The following PCDH15 variants were observed in gnomAD, a reference collection of about 807,000 sequenced individuals.
The protein encoded by PCDH15 is protocadherin related 15, also known as protocadherin-15.
Under a neutral mutation model 178.5 loss-of-function variants are expected in PCDH15, and 129 were observed. The observed-to-expected ratio is 0.72, with a 90% CI of 0.63 to 0.84. The LOEUF (loss-of-function observed/expected upper bound fraction) is 0.84. PCDH15 is among the 40% of genes least tolerant of loss of function. The pLI is 0.00. For synonymous variants in PCDH15, 800 were observed against 732.0 expected, an observed-to-expected ratio of 1.09 and a Z score of -1.50; for missense variants, 2,230 against 2,099.9, an observed-to-expected ratio of 1.06 and a Z score of -1.21.
Position 53,840,427 on chromosome 10 carries a change from G to A in PCDH15, c.3876C>T (p.Arg1292=). The change falls in exon 29 of 38, where the codon CGC becomes CGT. Residue 1292 remains arginine, a synonymous_variant. Transcript: ENST00000644397. ...AKVVVESIGA[R]RHGDAFSLED... ...CTAGGGAAAAGGCATCTCCATGCCG[G>A]CGAGCTCCAATGGACTCCACTACGA... is the stretch of plus-strand genomic sequence containing the variant. The A allele has an allele frequency of 1.2e-6, 2 of 1,614,014 alleles. No homozygotes were observed. The highest frequency in any genetic ancestry group is 2.2e-5 in the South Asian group (2 of 91,076).
chr10:54,401,832 A>G (rs1951970588), intron 3 of PCDH15, among the ~76,000 whole-genome samples: 1 of 151,864 alleles, frequency 6.6e-6, no homozygotes, highest in Non-Finnish European at 1.5e-5. Context: ...CAGCATATAA[A>G]GAAGAACACA....
At chr10:54,644,586 CT>C in intron 2 of PCDH15, among the ~76,000 whole-genome samples, 1 of 152,022 alleles carries the variant, frequency 6.6e-6, no homozygotes, top group Admixed American at 6.6e-5. Context: ...AGTTACTTGT[CT>C]TAGCAATTCC....
At chr10:54,423,550 G>T (rs1319334156) in intron 3 of PCDH15, among the ~76,000 whole-genome samples, 1 of 151,802 alleles carries the variant, frequency 6.6e-6, no homozygotes, top group East Asian at 1.9e-4. Context: ...ACATGGTGAG[G>T]CAGCCACAGG....
intron 1 of PCDH15, among the ~76,000 whole-genome samples, chr10:54,773,139 G>T (rs1468497253): frequency 6.6e-6 from 1 of 152,070 alleles, no homozygotes; most frequent in Non-Finnish European, 1.5e-5. Flanking sequence ...AATAGCTAAT[G>T]GATGCTAGGC....
At chr10:54,488,384 T>A (rs962455933) in intron 3 of PCDH15, among the ~76,000 whole-genome samples, 2 of 151,902 alleles carry the variant, frequency 1.3e-5, no homozygotes, top group Non-Finnish European at 2.9e-5. Flanking sequence ...TTTTTACATG[T>A]TATAGAGTAG....
chr10:55,204,798 T>G (rs1481635595), intron 1 of PCDH15, among the ~76,000 whole-genome samples: 6 of 152,128 alleles, frequency 3.9e-5, no homozygotes, highest in African/African-American at 1.5e-4. Flanking sequence ...GTATGAATCA[T>G]GTTTAATTTT....
chr10:54,695,422 G>C (rs536993139), intron 1 of PCDH15, among the ~76,000 whole-genome samples: 37 of 152,260 alleles, frequency 2.4e-4, no homozygotes, highest in Non-Finnish European at 3.4e-4. Flanking sequence ...TTTAATGAAA[G>C]AAGTCATCTC....
chr10:54,796,587 CTCTT>C (rs973649689), intron 1 of PCDH15, among the ~76,000 whole-genome samples: 2 of 151,878 alleles, frequency 1.3e-5, no homozygotes, highest in African/African-American at 4.8e-5. Flanking sequence ...CCACTTCTCT[CTCTT>C]TCTGTTCTTT....
At chr10:55,300,388 CAA>C (rs1843243494) in intron 1 of PCDH15, among the ~76,000 whole-genome samples, 1 of 152,084 alleles carries the variant, frequency 6.6e-6, no homozygotes. Flanking sequence ...ATGCACTCAT[CAA>C]AGAGATACAA....
At chr10:54,908,788 G>A (rs1191340513) in intron 2 of PCDH15, among the ~76,000 whole-genome samples, 3 of 151,874 alleles carry the variant, frequency 2.0e-5, no homozygotes. Flanking sequence ...CCCAATGGGT[G>A]TTCAGCTCTC....
chr10:54,891,348 A>T (rs1954458305), intron 3 of PCDH15, among the ~76,000 whole-genome samples: 1 of 152,106 alleles, frequency 6.6e-6, no homozygotes, highest in African/African-American at 2.4e-5. Flanking sequence ...GTATTGGGAG[A>T]GCATTTTCTG....
intron 2 of PCDH15, among the ~76,000 whole-genome samples, chr10:55,519,953 G>T (rs562127143): frequency 1.3e-5 from 2 of 149,954 alleles, no homozygotes; most frequent in African/African-American, 4.9e-5. Context: ...AATCAAGTCA[G>T]TAACGCGGGA....
intron 3 of PCDH15, among the ~76,000 whole-genome samples, chr10:54,395,142 G>T (rs1951040809): frequency 6.6e-6 from 1 of 152,060 alleles, no homozygotes; most frequent in Non-Finnish European, 1.5e-5. Flanking sequence ...GTAAAGACAG[G>T]CATAGGAAAT....
At chr10:54,047,018 A>G (rs1374321757) in intron 18 of PCDH15, among the ~76,000 whole-genome samples, 1 of 152,172 alleles carries the variant, frequency 6.6e-6, no homozygotes, top group Non-Finnish European at 1.5e-5. Flanking sequence ...TCATCAGTCT[A>G]TAAAACAGAA....
chr10:55,499,248 G>A (rs1263064170), intron 2 of PCDH15, among the ~76,000 whole-genome samples: 3 of 151,724 alleles, frequency 2.0e-5, no homozygotes. Context: ...TAAATTTGTG[G>A]TAATTTGACA....
intron 18 of PCDH15, among the ~76,000 whole-genome samples, chr10:54,041,172 G>C (rs1192353529): frequency 6.6e-6 from 1 of 152,004 alleles, no homozygotes; most frequent in Admixed American, 6.6e-5. Flanking sequence ...AGTTCTAATG[G>C]GCACAAAATG....
intron 2 of PCDH15, among the ~76,000 whole-genome samples, chr10:55,147,271 AAAAAG>A (rs565482906): frequency 7.2e-4 from 110 of 151,778 alleles, no homozygotes; most frequent in African/African-American, 2.5e-3. Context: ...AATTGACAAA[AAAAAG>A]AAAAGAAGTA....
At chr10:55,230,669 T>C (rs1841189293) in intron 1 of PCDH15, among the ~76,000 whole-genome samples, 1 of 152,008 alleles carries the variant, frequency 6.6e-6, no homozygotes, top group Non-Finnish European at 1.5e-5. Context: ...TCTAGGAGAA[T>C]GGAAAGTGTC....
chr10:54,937,223 G>A (rs1837930564), intron 2 of PCDH15, among the ~76,000 whole-genome samples: 1 of 151,794 alleles, frequency 6.6e-6, no homozygotes, highest in Non-Finnish European at 1.5e-5. Context: ...TTTGTAGTAA[G>A]TTATACAATT....
Sources: gnomAD v4.1 joint callset for allele counts (sites outside exome capture counted in the v4.1 genomes callset) on GRCh38, gnomAD v4.1.1 for gene constraint, MANE v1.5 for transcripts, NCBI Gene and HGNC (gene_info 2026-07-23, HGNC 2026-07-21) for gene names.